The following CSMD1 variants were observed in gnomAD, a reference collection of about 807,000 sequenced individuals.
CSMD1 encodes the protein CUB and sushi domain-containing protein 1.
Under a neutral mutation model 417.5 loss-of-function variants are expected in CSMD1, and 213 were observed. The ratio of observed to expected loss-of-function variants is 0.51; its 90% confidence interval spans 0.46 to 0.57. The LOEUF (loss-of-function observed/expected upper bound fraction) is 0.57. Among genes scored for constraint, CSMD1 ranks in the 20% least tolerant of loss-of-function variants. CSMD1 has a pLI of 0.00. For synonymous variants in CSMD1, 2,862 were observed against 1,736.8 expected, an observed-to-expected ratio of 1.65 and a Z score of -16.11; for missense variants, 6,923 against 4,529.7, an observed-to-expected ratio of 1.53 and a Z score of -15.17.
At chr8:4,128,442 G>C (rs935189521) in intron 3 of CSMD1, among the ~76,000 whole-genome samples, 2 of 152,166 alleles carry the variant, frequency 1.3e-5, no homozygotes, top group Admixed American at 6.5e-5. Flanking sequence ...AGACAACTAT[G>C]AATGCACATA....
At chr8:4,525,105 C>T (rs1796448707) in intron 2 of CSMD1, among the ~76,000 whole-genome samples, 1 of 152,066 alleles carries the variant, frequency 6.6e-6, no homozygotes, top group Admixed American at 6.5e-5. Context: ...AAAGATGATC[C>T]AGATCATAGT....
At chr8:3,105,802 C>T (rs1004955335) in intron 46 of CSMD1, among the ~76,000 whole-genome samples, 2 of 152,104 alleles carry the variant, frequency 1.3e-5, no homozygotes, top group African/African-American at 2.4e-5. Context: ...AAAAATATAG[C>T]GTAGCTTAAT....
At chr8:3,567,816 C>T (rs577664990) in intron 10 of CSMD1, among the ~76,000 whole-genome samples, 3 of 152,236 alleles carry the variant, frequency 2.0e-5, no homozygotes, top group Admixed American at 6.5e-5. Flanking sequence ...TCTGCAGATC[C>T]GTCACTATTT....
Position 4,396,293 on chromosome 8 carries a change from C to G in CSMD1, c.415+23660G>C, listed in dbSNP as rs1804205111. On this transcript the variant is annotated intron_variant, in intron 3 of 69. Coordinates refer to ENST00000635120, the MANE Select transcript of CSMD1 (RefSeq NM_033225.6). ...CTTGGGGAATACAGTGAGACATCATCTCTTAAAAGTAAAAAAAAAAAAAAA... is the reference window on the plus strand; with the variant it reads ...CTTGGGGAATACAGTGAGACATCATGTCTTAAAAGTAAAAAAAAAAAAAAA... Among the ~76,000 whole-genome samples the G allele has an allele frequency of 3.6e-5, 5 of 138,798 alleles. No homozygotes were observed. The South Asian group carries it at 8.8e-4, about 24-fold the overall frequency. The allele number at this position is 138,798 out of a possible 152,430, so 91.1% of individuals were successfully genotyped here. A position where few individuals can be genotyped will look rare whatever the true frequency, so the allele number is the denominator to read the frequency against.
chr8:3,642,141 G>A (rs1473700619), intron 7 of CSMD1, among the ~76,000 whole-genome samples: 2 of 151,666 alleles, frequency 1.3e-5, no homozygotes, highest in African/African-American at 2.4e-5. Flanking sequence ...CACACAAATA[G>A]ACAAAGATAT....
At chr8:3,520,622 GC>G (rs1414702716) in intron 10 of CSMD1, among the ~76,000 whole-genome samples, 1 of 151,990 alleles carries the variant, frequency 6.6e-6, no homozygotes, top group Non-Finnish European at 1.5e-5. Context: ...TCATTCACTG[GC>G]TGTTTCCTGG....
intron 10 of CSMD1, among the ~76,000 whole-genome samples, chr8:3,564,579 G>T (rs1288543204): frequency 7.0e-6 from 1 of 143,264 alleles, no homozygotes; most frequent in African/African-American, 2.6e-5. Flanking sequence ...CAAATCAAAA[G>T]CATGGCCCTT....
At chr8:4,717,179 G>C (rs1287622691) in intron 1 of CSMD1, among the ~76,000 whole-genome samples, 1 of 151,638 alleles carries the variant, frequency 6.6e-6, no homozygotes, top group East Asian at 2.0e-4. Flanking sequence ...TGGGAGTCAG[G>C]AGAAAAATTT....
At position 3,343,341 on chromosome 8, in the gene CSMD1, T is replaced by C. The variant is rs759240914; in HGVS notation, c.3584A>G (p.Asn1195Ser). Residue 1195 changes from asparagine to serine, a missense_variant, in exon 23 of 70, where the codon AAC becomes AGC. By Grantham distance (46) the Asn-to-Ser change is conservative. Coordinates refer to ENST00000635120, the MANE Select transcript of CSMD1 (RefSeq NM_033225.6). ...TTGGTCGGTGTCAGATCCATTGGTG[T>C]TGAACTCTAGCCACAGGTGATTGGA... ...STSNHLWLEF[N>S]TNGSDTDQGF... The C allele has an allele frequency of 1.1e-5, 18 of 1,613,784 alleles. No homozygotes were observed. Among genetic ancestry groups the C allele is most frequent in the Non-Finnish European group, 1.4e-5 (17 of 1,179,776 alleles).
intron 1 of CSMD1, among the ~76,000 whole-genome samples, chr8:4,939,580 G>C (rs923787584): frequency 2.0e-5 from 3 of 151,184 alleles, no homozygotes; most frequent in South Asian, 2.1e-4. Flanking sequence ...CTTACATGTA[G>C]AATCTAAAAT....
At chr8:4,040,139 G>C (rs1287210827) in intron 3 of CSMD1, among the ~76,000 whole-genome samples, 1 of 152,178 alleles carries the variant, frequency 6.6e-6, no homozygotes, top group African/African-American at 2.4e-5. Context: ...TAAAGGGTAT[G>C]AGAGTCAAGG....
intron 2 of CSMD1, among the ~76,000 whole-genome samples, chr8:4,422,579 A>G (rs1408817035): frequency 6.6e-6 from 1 of 152,058 alleles, no homozygotes; most frequent in South Asian, 2.1e-4. Flanking sequence ...CTCACCAGGA[A>G]CTGACTATTC....
intron 5 of CSMD1, among the ~76,000 whole-genome samples, chr8:3,811,259 G>A (rs961398426): frequency 6.6e-6 from 1 of 152,180 alleles, no homozygotes; most frequent in Admixed American, 6.5e-5. Context: ...GAAACTTAGA[G>A]AGCAATTACC....
intron 5 of CSMD1, among the ~76,000 whole-genome samples, chr8:3,945,845 G>T (rs1458262931): frequency 1.3e-5 from 2 of 152,084 alleles, no homozygotes; most frequent in African/African-American, 4.8e-5. Flanking sequence ...GGTAAATATT[G>T]ATTGTAGTGA....
At position 3,922,670 on chromosome 8, in the gene CSMD1, T is replaced by G. The variant is rs551903311; in HGVS notation, c.818+75233A>C. ...ACATAAAAATAACTTTTAATTGTGC[T>G]TTTCATCCAAATCTGTATTTTATGT... On this transcript the variant is annotated intron_variant, in intron 5 of 69. Coordinates refer to ENST00000635120, the MANE Select transcript of CSMD1 (RefSeq NM_033225.6). Among the ~76,000 whole-genome samples the G allele has an allele frequency of 1.2e-4, 18 of 152,314 alleles. No individual in the cohort carries two copies. The South Asian group carries it at 1.2e-3, about 11-fold the overall frequency.
At chr8:3,069,940 T>G (rs1813213204) in intron 49 of CSMD1, among the ~76,000 whole-genome samples, 1 of 152,238 alleles carries the variant, frequency 6.6e-6, no homozygotes, top group African/African-American at 2.4e-5. Flanking sequence ...ATTCTTGCAT[T>G]CTGCGCACCT....
chr8:4,890,274 C>T (rs758319846), intron 1 of CSMD1, among the ~76,000 whole-genome samples: 1 of 151,970 alleles, frequency 6.6e-6, no homozygotes, highest in Non-Finnish European at 1.5e-5. Flanking sequence ...TGGTGAGAAA[C>T]GAGAAATGCA....
At chr8:3,819,711 T>C (rs1801612930) in intron 5 of CSMD1, among the ~76,000 whole-genome samples, 1 of 152,138 alleles carries the variant, frequency 6.6e-6, no homozygotes, top group African/African-American at 2.4e-5. Flanking sequence ...CTCAGCCTCC[T>C]GGGGAACTGG....
At position 2,942,626 on chromosome 8, in the gene CSMD1, A is replaced by C. The variant is rs753341631; in HGVS notation, c.10403-22T>G. On this transcript the variant is annotated intron_variant, in intron 68 of 69. Transcript: ENST00000635120. ...GGATCTGTAAGATAAAGGAAATATT[A>C]AATTTGTTGTTACTGTACTCTGCTT... 21 of 1,535,196 alleles carry C rather than the reference A, an allele frequency of 1.4e-5. 1 individual carries two copies. The South Asian group carries it at 2.4e-4, about 18-fold the overall frequency.
Sources: allele counts gnomAD v4.1 joint callset (sites outside exome capture counted in the v4.1 genomes callset), GRCh38; gene constraint gnomAD v4.1.1; transcripts MANE v1.5; gene names NCBI Gene and HGNC (gene_info 2026-07-23, HGNC 2026-07-21).